Variants in RAB12 observed in about 807,000 individuals in gnomAD.
RAB12 encodes RAB12, member RAS oncogene family.
RAB12 carries 11 observed loss-of-function variants against 28.4 expected under a neutral mutation model. The ratio of observed to expected loss-of-function variants is 0.39; its 90% CI spans 0.24 to 0.64. The LOEUF (loss-of-function observed/expected upper bound fraction) is 0.64. Ranked by LOEUF, RAB12 falls within the 30% of genes least tolerant of loss-of-function variation. The pLI is 0.50. For synonymous variants in RAB12, 138 were observed against 145.3 expected (o/e 0.95, Z 0.36); for missense variants, 276 against 351.1 (o/e 0.79, Z 1.71).
At chr18:8,624,075 C>G (rs1362882448) in intron 1 of RAB12, among the ~76,000 whole-genome samples, 2 of 152,224 alleles carry the variant, frequency 1.3e-5, no homozygotes, top group Admixed American at 6.5e-5. Context: ...ACCTGCTGGC[C>G]CGGGGAGCTG....
chr18:8,636,603 G>A (rs2096019097), intron 5 of RAB12, among the ~76,000 whole-genome samples: 1 of 152,218 alleles, frequency 6.6e-6, no homozygotes, highest in African/African-American at 2.4e-5. Flanking sequence ...AGATACAGCA[G>A]GGTAGACTTA....
At chr18:8,626,896 G>C (rs928647596) in intron 2 of RAB12, among the ~76,000 whole-genome samples, 5 of 152,214 alleles carry the variant, frequency 3.3e-5, no homozygotes, top group Non-Finnish European at 7.3e-5. Context: ...ATGGTTGATT[G>C]CAAGTTTTCT....
rs772796134 is a variant in RAB12 at position 8,609,835 on chromosome 18, C to G, written c.396C>G (p.Pro132=). The G allele has an allele frequency of 5.7e-6, 9 of 1,569,658 alleles. No individual in the cohort carries two copies. In the South Asian group the frequency reaches 5.8e-5, roughly 10 times the overall value. ...AGGGCCGCCGGAGGAAGCAGCCCCCCAGGCCGGCCGACTTCAAGTTGCAGG... is the reference window on the plus strand; with the variant it reads ...AGGGCCGCCGGAGGAAGCAGCCCCCGAGGCCGGCCGACTTCAAGTTGCAGG... ...GGQGRRRKQP[P]RPADFKLQVI... is the part of the protein sequence containing the mutation. Residue 132 remains proline (P), a synonymous_variant, in exon 1 of 6, where the codon CCC becomes CCG. Coordinates refer to ENST00000649141, the MANE Select transcript of RAB12 (RefSeq NM_001025300.3).
intron 1 of RAB12, among the ~76,000 whole-genome samples, chr18:8,615,349 C>A (rs944632451): frequency 9.2e-5 from 14 of 152,134 alleles, no homozygotes; most frequent in Non-Finnish European, 1.5e-4. Flanking sequence ...TTAGAAAACC[C>A]AGAATGAGCA....
At chr18:8,619,962 T>C (rs570370229) in intron 1 of RAB12, among the ~76,000 whole-genome samples, 4 of 152,022 alleles carry the variant, frequency 2.6e-5, no homozygotes, top group African/African-American at 9.6e-5. Context: ...CATAGTGAGA[T>C]GCTATCTCTA....
In RAB12 at chr18:8,638,521, T is replaced by G; in HGVS notation, c.*259T>G. On this transcript the variant is annotated 3_prime_UTR_variant, in exon 6 of 6. Transcript: ENST00000649141. ...ACTGGGAAACCTAGTACTTCTAATA[T>G]GAAGAATGGGAGAAATGAAAGGTAT... The G allele has an allele frequency of 2.8e-6, 1 of 353,034 alleles. No individual in the cohort carries two copies. Among genetic ancestry groups the G allele is most frequent in the Non-Finnish European group, 5.2e-6 (1 of 193,462 alleles). 21.9% of individuals were successfully genotyped at this position (353,034 alleles called of 1,614,324 possible).
At chr18:8,633,465 G>A (rs971770041) in intron 3 of RAB12, 138 bp downstream of exon 3, 10 of 939,586 alleles carry the variant, frequency 1.1e-5, no homozygotes, top group African/African-American at 5.0e-5. Context: ...TATAGCCTTC[G>A]GGATAGGGAT....
chr18:8,614,811 C>T (rs952905485), intron 1 of RAB12, among the ~76,000 whole-genome samples: 23 of 152,288 alleles, frequency 1.5e-4, no homozygotes, highest in African/African-American at 5.5e-4. Context: ...GTCTCGAAAT[C>T]CTGACCTTGT....
At chr18:8,615,093 G>A (rs2096006026) in intron 1 of RAB12, among the ~76,000 whole-genome samples, 1 of 152,202 alleles carries the variant, frequency 6.6e-6, no homozygotes, top group African/African-American at 2.4e-5. Context: ...GCCTCGGCCT[G>A]AGACTGCTTA....
intron 1 of RAB12, among the ~76,000 whole-genome samples, chr18:8,612,125 G>A (rs1290790743): frequency 6.6e-6 from 1 of 152,222 alleles, no homozygotes; most frequent in African/African-American, 2.4e-5. Flanking sequence ...ACAGGACATC[G>A]ACTCTGTCCA....
intron 1 of RAB12, among the ~76,000 whole-genome samples, chr18:8,613,829 A>AAGT (rs3050584): frequency 0.31 from 46,646 of 148,572 alleles, 7,357 homozygotes; most frequent in East Asian, 0.51. Flanking sequence ...CTATAAATAG[A>AAGT]AGTAGTAGTA....
rs2096020890 is a variant in RAB12 at position 8,639,147 on chromosome 18, C to CTTTTTTTTTGTTTTTTTTTTTTTTTT, written c.*894_*895insGTTTTTTTTTTTTTTTTTTTTTTTTT. ...ATTCTGATTAAGCCTAGACTGTGTT[C>CTTTTTTTTTGTTTTTTTTTTTTTTTT]TTTTTTTTTTTTTTTTTTTTTTTTT... On this transcript the variant is annotated 3_prime_UTR_variant, in exon 6 of 6. Transcript: ENST00000649141. 6.2e-5 allele frequency: 1 copy of CTTTTTTTTTGTTTTTTTTTTTTTTTT among 16,026 alleles called. No individual in the cohort carries two copies. The highest frequency in any genetic ancestry group is 2.2e-4 in the African/African-American group (1 of 4,644). 1.0% of individuals were successfully genotyped at this position (16,026 alleles called of 1,614,324 possible).
rs202049530 is a variant in RAB12, at chr18:8,633,252, G to T, written c.639G>T (p.Gly213=). Residue 213 remains glycine (G), a synonymous_variant, in exon 3 of 6, where the codon GGG becomes GGT. Coordinates refer to ENST00000649141, the MANE Select transcript of RAB12 (RefSeq NM_001025300.3). ...CAGCTTATTACAGAAGTGCCAAGGG[G>T]ATCATATTAGTATATGATATCACTA... ...ITSAYYRSAK[G]IILVYDITKK... is the part of the protein sequence containing the mutation. 3.7e-4 allele frequency: 603 copies of T among 1,613,348 alleles called. 3 individuals are homozygous for T. The African/African-American group carries it at 7.2e-3, about 19-fold the overall frequency.
Position 8,609,871 on chromosome 18 carries a change from C to A in RAB12, c.432C>A (p.Ile144=), listed in dbSNP as rs775694623. 4 of 1,599,204 alleles carry A rather than the reference C, an allele frequency of 2.5e-6. No individual in the cohort carries two copies. In the South Asian group the frequency reaches 4.5e-5, roughly 18 times the overall value. The part of the protein sequence containing the change: ...PADFKLQVII[I]GSRGVGKTSL... ...ACTTCAAGTTGCAGGTCATCATTAT[C>A]GGCTCCCGCGGCGTGGGCAAGACCA... Residue 144 remains isoleucine, a synonymous_variant, in exon 1 of 6, where the codon ATC becomes ATA. Transcript: ENST00000649141.
At chr18:8,631,762 T>C (rs1163819794) in intron 2 of RAB12, among the ~76,000 whole-genome samples, 1 of 152,220 alleles carries the variant, frequency 6.6e-6, no homozygotes, top group Non-Finnish European at 1.5e-5. Context: ...TATGATTTAT[T>C]CTAGAAGGTC....
intron 1 of RAB12, among the ~76,000 whole-genome samples, chr18:8,615,249 G>C (rs2096006122): frequency 6.6e-6 from 1 of 152,172 alleles, no homozygotes; most frequent in Non-Finnish European, 1.5e-5. Flanking sequence ...ATGTTAGGCG[G>C]CATGACAAGT....
chr18:8,611,483 G>A (rs1424250550), intron 1 of RAB12, among the ~76,000 whole-genome samples: 3 of 152,164 alleles, frequency 2.0e-5, no homozygotes, highest in African/African-American at 7.2e-5. Context: ...GAATGCAGAA[G>A]AGGAGAGAGG....
At position 8,610,198 on chromosome 18, in the gene RAB12, C is replaced by A. The variant is rs960867898; in HGVS notation, c.514+245C>A. The A allele has an allele frequency of 1.3e-5, 5 of 395,280 alleles. No individual in the cohort carries two copies. In the Admixed American group the frequency reaches 1.8e-4, roughly 15 times the overall value. The allele number at this position is 395,280 out of a possible 1,614,324, so 24.5% of individuals were successfully genotyped here. The stretch of plus-strand genomic sequence containing the variant: ...GCCCTGCCTCAGAGGTCCTGGCAGC[C>A]CCCGGGGCCTGTGGGGGCGGCTCTC... On this transcript the variant is annotated intron_variant, in intron 1 of 5. Transcript: ENST00000649141.
intron 1 of RAB12, among the ~76,000 whole-genome samples, chr18:8,619,544 G>A (rs974593931): frequency 2.6e-5 from 4 of 152,196 alleles, no homozygotes; most frequent in Non-Finnish European, 5.9e-5. Flanking sequence ...CTTGGCTGTG[G>A]GAGCTATGAG....
Sources: allele counts gnomAD v4.1 joint callset (sites outside exome capture counted in the v4.1 genomes callset), GRCh38; gene constraint gnomAD v4.1.1; transcripts MANE v1.5; gene names NCBI Gene and HGNC (gene_info 2026-07-23, HGNC 2026-07-21).